The following ACER3 variants were observed in gnomAD, a reference collection of about 807,000 sequenced individuals.
The protein encoded by ACER3 is alkaline ceramidase 3.
A neutral mutation model predicts 48.9 loss-of-function variants in ACER3; 16 were observed. The ratio of observed to expected loss-of-function variants is 0.33; its 90% confidence interval spans 0.22 to 0.50. The LOEUF (loss-of-function observed/expected upper bound fraction) is 0.50. ACER3 is among the 20% of genes least tolerant of loss of function. The probability of loss-of-function intolerance (pLI) is 0.98; values close to 1 mark genes in which losing one functional copy is unlikely to be tolerated. For missense variants in ACER3, 227 were observed against 326.0 expected (o/e 0.70, Z 2.34); for synonymous variants, 109 against 107.8 (o/e 1.01, Z -0.07).
intron 6 of ACER3, among the ~76,000 whole-genome samples, chr11:76,997,996 G>A (rs892470393): frequency 2.6e-5 from 4 of 152,194 alleles, no homozygotes. Context: ...AGTCAGGAGA[G>A]TGGTTTCCTC....
intron 7 of ACER3, among the ~76,000 whole-genome samples, chr11:77,010,163 A>AAATAATAATAATAATAATAAT (rs59504202): frequency 5.5e-5 from 8 of 146,470 alleles, no homozygotes; most frequent in African/African-American, 2.0e-4. Flanking sequence ...TCTCTACCAG[A>AAATAATAATAATAATAATAAT]AATAATAATA....
At chr11:76,950,375 AT>A (rs1352581619) in intron 2 of ACER3, among the ~76,000 whole-genome samples, 7 of 23,612 alleles carry the variant, frequency 3.0e-4, no homozygotes, top group African/African-American at 9.7e-4. Context: ...ATATATATAT[AT>A]ATATATATAT....
At chr11:76,864,336 A>T (rs1485044240) in intron 1 of ACER3, among the ~76,000 whole-genome samples, 3 of 152,224 alleles carry the variant, frequency 2.0e-5, no homozygotes, top group African/African-American at 7.2e-5. Context: ...AGTTAAAACC[A>T]GGTAACACTA....
intron 2 of ACER3, among the ~76,000 whole-genome samples, chr11:76,948,620 T>C (rs776654553): frequency 2.6e-5 from 4 of 152,220 alleles, no homozygotes; most frequent in Non-Finnish European, 4.4e-5. Flanking sequence ...TTATATCATA[T>C]ACCAGGCTGC....
chr11:76,926,410 G>A (rs1946831072), intron 1 of ACER3, 147 bp from the exon 2 acceptor site: 1 of 450,212 alleles, frequency 2.2e-6, no homozygotes. Flanking sequence ...GGTGAGTACA[G>A]AATTTTTTTT....
intron 2 of ACER3, among the ~76,000 whole-genome samples, chr11:76,954,578 A>C (rs1263965132): frequency 6.8e-6 from 1 of 147,160 alleles, no homozygotes; most frequent in Non-Finnish European, 1.5e-5. Context: ...TTTTTTGTTT[A>C]GTGGTTTGGT....
At chr11:76,967,398 A>G (rs574694513) in intron 3 of ACER3, among the ~76,000 whole-genome samples, 41 of 152,350 alleles carry the variant, frequency 2.7e-4, no homozygotes, top group East Asian at 3.9e-4. Flanking sequence ...AGCTGGTACC[A>G]TTCCTTCTGA....
intron 1 of ACER3, among the ~76,000 whole-genome samples, chr11:76,911,285 T>C (rs1258752839): frequency 6.6e-6 from 1 of 152,206 alleles, no homozygotes; most frequent in Admixed American, 6.6e-5. Flanking sequence ...TTCCTGGAAC[T>C]GAGGGTTCCT....
At chr11:76,999,142 A>T (rs1297117586) in intron 7 of ACER3, among the ~76,000 whole-genome samples, 6 of 152,122 alleles carry the variant, frequency 3.9e-5, no homozygotes, top group African/African-American at 1.2e-4. Flanking sequence ...TTAAAAAAAA[A>T]TTGTTTTTGT....
At chr11:76,992,861 A>ACAAT (rs1258412277) in intron 6 of ACER3, among the ~76,000 whole-genome samples, 1 of 130,158 alleles carries the variant, frequency 7.7e-6, no homozygotes, top group Non-Finnish European at 1.7e-5. Flanking sequence ...TCGTTGTTCA[A>ACAAT]CAATCTCCCC....
chr11:76,914,921 A>C (rs1350260674), intron 1 of ACER3, among the ~76,000 whole-genome samples: 25 of 152,186 alleles, frequency 1.6e-4, no homozygotes, highest in Non-Finnish European at 3.7e-4. Context: ...GCTGGAAACC[A>C]TCATTCTCAG....
intron 2 of ACER3, among the ~76,000 whole-genome samples, chr11:76,941,012 A>AACACACAC (rs370121849): frequency 1.3e-4 from 19 of 146,196 alleles, no homozygotes; most frequent in African/African-American, 3.1e-4. Flanking sequence ...TGTGTGTATA[A>AACACACAC]ACACACACAC....
intron 1 of ACER3, among the ~76,000 whole-genome samples, chr11:76,892,527 C>G (rs1043658732): frequency 1.3e-5 from 2 of 152,038 alleles, no homozygotes; most frequent in African/African-American, 4.8e-5. Flanking sequence ...GCTGACTGAC[C>G]CCATTTTCTC....
chr11:76,926,259 T>A (rs1946826756), intron 1 of ACER3, among the ~76,000 whole-genome samples: 1 of 152,216 alleles, frequency 6.6e-6, no homozygotes, highest in South Asian at 2.1e-4. Context: ...TTCTGCTGTA[T>A]CTCTGAGGTT....
At chr11:76,992,361 T>C (rs1164373599) in intron 6 of ACER3, among the ~76,000 whole-genome samples, 1 of 152,244 alleles carries the variant, frequency 6.6e-6, no homozygotes, top group Non-Finnish European at 1.5e-5. Context: ...ACAAGTTTTA[T>C]GACCATCTGT....
At chr11:76,924,109 T>C (rs1162268054) in intron 1 of ACER3, among the ~76,000 whole-genome samples, 1 of 152,110 alleles carries the variant, frequency 6.6e-6, no homozygotes, top group Non-Finnish European at 1.5e-5. Flanking sequence ...CCTTATGCTG[T>C]GGCTTGAGTA....
chr11:76,971,963 T>C (rs1402397216), intron 3 of ACER3, among the ~76,000 whole-genome samples: 1 of 152,238 alleles, frequency 6.6e-6, no homozygotes, highest in Non-Finnish European at 1.5e-5. Context: ...CTTGACTTTA[T>C]TTCCTCTACA....
chr11:76,880,790 G>A (rs1471855898), intron 1 of ACER3, among the ~76,000 whole-genome samples: 1 of 152,144 alleles, frequency 6.6e-6, no homozygotes, highest in Admixed American at 6.5e-5. Context: ...AAATAGCAAG[G>A]ACTGTGGGAG....
chr11:77,009,449 G>A (rs548284529), intron 7 of ACER3, among the ~76,000 whole-genome samples: 21 of 152,258 alleles, frequency 1.4e-4, no homozygotes, highest in African/African-American at 4.8e-4. Context: ...ATCTCAACAT[G>A]AGATCTGGAG....
Sources: gnomAD v4.1 joint callset for allele counts (sites outside exome capture counted in the v4.1 genomes callset) on GRCh38, gnomAD v4.1.1 for gene constraint, MANE v1.5 for transcripts, NCBI Gene and HGNC (gene_info 2026-07-23, HGNC 2026-07-21) for gene names.